Variants in PLCG2 observed in about 807,000 individuals in gnomAD.
PLCG2 encodes phospholipase C gamma 2.
Under a neutral mutation model 175.6 loss-of-function variants are expected in PLCG2, and 69 were observed. The observed-to-expected ratio is 0.39, with a 90% confidence interval of 0.32 to 0.48. The LOEUF is 0.48. Ranked by LOEUF, PLCG2 falls within the 20% of genes least tolerant of loss-of-function variation. The pLI is 0.91. For synonymous variants in PLCG2, 827 were observed against 624.0 expected, an observed-to-expected ratio of 1.33 and a Z score of -4.85; for missense variants, 1,798 against 1,650.9, an observed-to-expected ratio of 1.09 and a Z score of -1.54.
At chr16:81,740,138 C>CAAAAAAAAAAAAAAAAAAAAA (rs5818349) in intron 1 of PLCG2, 2 of 88,726 alleles carry the variant, frequency 2.3e-5, no homozygotes, top group Non-Finnish European at 4.2e-5. Flanking sequence ...ACTCTGTCTC[C>CAAAAAAAAAAAAAAAAAAAAA]AAAAAAAAAA....
intron 2 of PLCG2, among the ~76,000 whole-genome samples, chr16:81,850,415 G>A (rs904672313): frequency 6.6e-6 from 1 of 152,188 alleles, no homozygotes; most frequent in African/African-American, 2.4e-5. Context: ...TGTTTTTGAG[G>A]AGTGAAGATA....
rs1185119472 is a variant in PLCG2 at position 81,962,652 on chromosome 16, A to C, written c.*4654A>C. The C allele has an allele frequency of 9.1e-6, 2 of 220,072 alleles. No individual in the cohort carries two copies. The highest frequency in any genetic ancestry group is 1.8e-5 in the Non-Finnish European group (2 of 109,864). The allele number at this position is 220,072 out of a possible 1,614,324, so 13.6% of individuals were successfully genotyped here. A position where few individuals can be genotyped will look rare whatever the true frequency, so the allele number is the denominator to read the frequency against. ...AATGTGAAAATTAAACAGCTGTATC[A>C]CATTTTGAAAAATAAAAGTTTCATC... On this transcript the variant is annotated 3_prime_UTR_variant, in exon 33 of 33. Transcript: ENST00000564138.
At chr16:81,818,883 A>ATTTTTTTTTTTTTTTTTTTTTTTTTT (rs57346304) in intron 2 of PLCG2, among the ~76,000 whole-genome samples, 4 of 106,644 alleles carry the variant, frequency 3.8e-5, no homozygotes, top group African/African-American at 1.6e-4. Context: ...GGGCTCATGG[A>ATTTTTTTTTTTTTTTTTTTTTTTTTT]TTTTTTTTTT....
Position 81,858,289 on chromosome 16 carries a change from T to C in PLCG2, c.364T>C (p.Trp122Arg). The C allele has an allele frequency of 6.2e-7, 1 of 1,613,754 alleles. No individual in the cohort carries two copies. Among genetic ancestry groups the C allele is most frequent in the Non-Finnish European group, 8.5e-7 (1 of 1,179,596 alleles). The change falls in exon 4 of 33, where the codon TGG (tryptophan) becomes CGG (arginine). Residue 122 changes from tryptophan to arginine, a missense_variant. Transcript: ENST00000564138. ...TGACTCTAAAGAGGATGCAGTTAAC[T>C]GGCTCTCTGGCTTGAAAATCTTACA... ...AADSKEDAVN[W>R]LSGLKILHQE...
At chr16:81,879,238 C>G (rs145500598) in intron 7 of PLCG2, among the ~76,000 whole-genome samples, 206 of 152,316 alleles carry the variant, frequency 1.4e-3, no homozygotes, top group Middle Eastern at 3.4e-3. Context: ...TGGAAGTGTT[C>G]TAGCCCCTGA....
chr16:81,885,272 C>A (rs12921746), intron 9 of PLCG2, among the ~76,000 whole-genome samples: 1 of 151,824 alleles, frequency 6.6e-6, no homozygotes, highest in Non-Finnish European at 1.5e-5. Flanking sequence ...GATCCACCCG[C>A]CTTGGCCTCC....
chr16:81,835,851 T>A (rs1905486616), intron 2 of PLCG2, among the ~76,000 whole-genome samples: 1 of 152,130 alleles, frequency 6.6e-6, no homozygotes, highest in Non-Finnish European at 1.5e-5. Context: ...TGACCCTGGG[T>A]GTCCCTTGGC....
chr16:81,954,192 C>G (rs1911475160), intron 31 of PLCG2, among the ~76,000 whole-genome samples: 1 of 151,866 alleles, frequency 6.6e-6, no homozygotes, highest in Non-Finnish European at 1.5e-5. Context: ...TGGCTAATTT[C>G]TTTCATTTTT....
chr16:81,774,990 C>T (rs1372086662), upstream of PLCG2, among the ~76,000 whole-genome samples: 1 of 152,122 alleles, frequency 6.6e-6, no homozygotes, highest in African/African-American at 2.4e-5. Flanking sequence ...AAGTGGTCCA[C>T]CCTCCTTAGC....
At chr16:81,827,443 C>A (rs1905090728) in intron 2 of PLCG2, among the ~76,000 whole-genome samples, 1 of 152,062 alleles carries the variant, frequency 6.6e-6, no homozygotes, top group Non-Finnish European at 1.5e-5. Flanking sequence ...CCTGTCTTGG[C>A]TTCCCAAAGG....
chr16:81,924,118 C>T (rs560876796), intron 22 of PLCG2, among the ~76,000 whole-genome samples: 3 of 152,336 alleles, frequency 2.0e-5, no homozygotes, highest in Admixed American at 1.3e-4. Flanking sequence ...GAAGACAATA[C>T]GTTTTTCGTG....
intron 2 of PLCG2, among the ~76,000 whole-genome samples, chr16:81,822,603 A>G (rs1904848726): frequency 6.6e-6 from 1 of 152,054 alleles, no homozygotes. Flanking sequence ...CTAAAAGTGC[A>G]AAAATTAACT....
chr16:81,868,922 C>T lies in PLCG2; in HGVS notation c.480-292C>T, dbSNP rs372596242. 4.6e-5 allele frequency among the ~76,000 whole-genome samples: 7 copies of T among 152,314 alleles called. No individual in the cohort carries two copies. The East Asian group carries it at 7.7e-4, about 17-fold the overall frequency. ...GTACGCTATAAATCTCTTATGTGAC[C>T]TATGTCCCTGGACATACCTGAAGGG... On this transcript the variant is annotated intron_variant, in intron 5 of 32. Coordinates refer to ENST00000564138, the MANE Select transcript of PLCG2 (RefSeq NM_002661.5).
intron 22 of PLCG2, among the ~76,000 whole-genome samples, chr16:81,924,849 G>C (rs1910198690): frequency 6.6e-6 from 1 of 152,210 alleles, no homozygotes. Context: ...AGACCCAGTT[G>C]GGCAACCACA....
chr16:81,839,281 A>C (rs1361291832), intron 2 of PLCG2, among the ~76,000 whole-genome samples: 1 of 152,178 alleles, frequency 6.6e-6, no homozygotes, highest in African/African-American at 2.4e-5. Flanking sequence ...TTGATAAACA[A>C]ATGTTTGCAG....
intron 9 of PLCG2, among the ~76,000 whole-genome samples, chr16:81,885,401 T>C (rs186362910): frequency 7.9e-5 from 12 of 152,318 alleles, no homozygotes; most frequent in Admixed American, 7.8e-4. Context: ...TGGGCTCAAG[T>C]GACTCACCTG....
rs142298179 is a variant in PLCG2, at chr16:81,901,329, T to C, written c.1362+549T>C. On this transcript the variant is annotated intron_variant, in intron 14 of 32. Transcript: ENST00000564138. The stretch of plus-strand genomic sequence containing the variant: ...ATTATATCTGTGCCTAGGGATGCCA[T>C]GGTAACATTTGGATTTTTGAATTAT... 3.7e-3 allele frequency among the ~76,000 whole-genome samples: 567 copies of C among 152,324 alleles called. 1 individual carries two copies. The highest frequency in any genetic ancestry group is 0.017 in the Middle Eastern group (5 of 294).
chr16:81,930,927 A>G, intron 24 of PLCG2, among the ~76,000 whole-genome samples: 1 of 152,224 alleles, frequency 6.6e-6, no homozygotes, highest in Non-Finnish European at 1.5e-5. Context: ...TATTTTTAAA[A>G]TGAACATGTA....
chr16:81,937,604 C>T (rs1910767272), intron 27 of PLCG2, 154 bp from the exon 28 acceptor site: 3 of 555,560 alleles, frequency 5.4e-6, no homozygotes, highest in Admixed American at 3.4e-5. Flanking sequence ...TGTCTAGAAA[C>T]CCTATATTTT....
Sources: allele counts gnomAD v4.1 joint callset (sites outside exome capture counted in the v4.1 genomes callset), GRCh38; gene constraint gnomAD v4.1.1; transcripts MANE v1.5; gene names NCBI Gene and HGNC (gene_info 2026-07-23, HGNC 2026-07-21).